Variants in SMC6 observed in about 807,000 individuals in gnomAD.
SMC6 encodes the protein structural maintenance of chromosomes protein 6.
SMC6 carries 79 observed loss-of-function variants against 142.2 expected under a neutral mutation model. The ratio of observed to expected loss-of-function variants is 0.56; its 90% CI spans 0.46 to 0.67. SMC6 has a LOEUF of 0.67. SMC6 is among the 30% of genes least tolerant of loss of function. The pLI, the probability that SMC6 is intolerant of heterozygous loss-of-function variation, is 0.00. For missense variants in SMC6, 1,072 were observed against 1,284.0 expected, an observed-to-expected ratio of 0.83 and a Z score of 2.52; for synonymous variants, 411 against 412.4, an observed-to-expected ratio of 1.00 and a Z score of 0.04.
chr2:17,712,165 G>C (rs1218081035), intron 16 of SMC6, among the ~76,000 whole-genome samples: 2 of 152,140 alleles, frequency 1.3e-5, no homozygotes, highest in East Asian at 3.9e-4. Flanking sequence ...ATATCAACCG[G>C]ATTCGGCAAC....
At chr2:17,729,145 T>C (rs998087000) in intron 7 of SMC6, among the ~76,000 whole-genome samples, 8 of 152,212 alleles carry the variant, frequency 5.3e-5, no homozygotes, top group African/African-American at 1.7e-4. Context: ...ATAACCAAAA[T>C]ATTATCATTG....
At chr2:17,746,729 T>C (rs917616285) in intron 2 of SMC6, among the ~76,000 whole-genome samples, 1 of 152,212 alleles carries the variant, frequency 6.6e-6, no homozygotes, top group Non-Finnish European at 1.5e-5. Context: ...AGCTGATAGT[T>C]TATGATTAAA....
At chr2:17,721,392 T>C (rs1572328894) in intron 9 of SMC6, 131 bp from the exon 10 acceptor site, 2 of 933,204 alleles carry the variant, frequency 2.1e-6, no homozygotes, top group South Asian at 2.4e-5. Context: ...ATAACTTCTA[T>C]TTTTTAAAAT....
chr2:17,703,131 A>C (rs931482216), intron 19 of SMC6, 26 bp downstream of exon 19: 1 of 1,267,618 alleles, frequency 7.9e-7, no homozygotes, highest in Non-Finnish European at 1.1e-6. Context: ...AAAACAAAAG[A>C]AGGTTTATTA....
At chr2:17,701,274 T>C (rs1052453684) in intron 20 of SMC6, among the ~76,000 whole-genome samples, 2 of 152,148 alleles carry the variant, frequency 1.3e-5, no homozygotes. Context: ...TAAATATTTA[T>C]TCACTTTAAC....
chr2:17,670,268 T>C (rs976606124), intron 26 of SMC6, among the ~76,000 whole-genome samples, 155 bp downstream of exon 26: 7 of 149,514 alleles, frequency 4.7e-5, no homozygotes, highest in Non-Finnish European at 7.6e-5. Flanking sequence ...AGAACTCTAG[T>C]TCTTTAGTTC....
intron 20 of SMC6, among the ~76,000 whole-genome samples, chr2:17,701,618 T>A (rs900772274): frequency 6.6e-6 from 1 of 151,398 alleles, no homozygotes; most frequent in African/African-American, 2.5e-5. Context: ...CAAAATCAAT[T>A]ATTATGCATG....
chr2:17,742,650 C>T (rs995773194), intron 3 of SMC6, among the ~76,000 whole-genome samples: 7 of 152,182 alleles, frequency 4.6e-5, no homozygotes, highest in African/African-American at 1.7e-4. Context: ...CTCTCTTCTT[C>T]TGGACATACG....
At chr2:17,753,215 G>A (rs142461347) in intron 1 of SMC6, among the ~76,000 whole-genome samples, 151 bp from the exon 2 acceptor site, 67 of 152,228 alleles carry the variant, frequency 4.4e-4, no homozygotes, top group Non-Finnish European at 9.1e-4. Flanking sequence ...AAACACACCA[G>A]TTGCCGCCTG....
At chr2:17,742,413 C>T (rs1362185577) in intron 3 of SMC6, among the ~76,000 whole-genome samples, 4 of 152,048 alleles carry the variant, frequency 2.6e-5, no homozygotes, top group Non-Finnish European at 4.4e-5. Flanking sequence ...TTTCCAAGTC[C>T]GTAAAACAGG....
chr2:17,703,372 A>C, intron 18 of SMC6, 80 bp from the exon 19 acceptor site: 1 of 1,317,476 alleles, frequency 7.6e-7, no homozygotes, highest in Non-Finnish European at 1.0e-6. Flanking sequence ...TTACAAAGAA[A>C]GCCTTATTTA....
chr2:17,688,627 GA>G (rs1219678777), intron 23 of SMC6, among the ~76,000 whole-genome samples: 1 of 152,212 alleles, frequency 6.6e-6, no homozygotes, highest in African/African-American at 2.4e-5. Context: ...GAGTAAAACA[GA>G]AATCTGTGGA....
rs116297015 is a variant in SMC6 at position 17,723,581 on chromosome 2, C to T, written c.726+1676G>A. 5.5e-3 allele frequency among the ~76,000 whole-genome samples: 844 copies of T among 152,306 alleles called. 5 individuals carry two copies. The highest frequency in any genetic ancestry group is 8.7e-3 in the Non-Finnish European group (595 of 68,034). On this transcript the variant is annotated intron_variant, in intron 9 of 27. Coordinates refer to ENST00000448223, the MANE Select transcript of SMC6 (RefSeq NM_001142286.2). ...GGTATCCTTCAGTTTTCTTCTTAGGCATCACTTCCTTAATAACTCCCCCAT... is the reference window on the plus strand; with the variant it reads ...GGTATCCTTCAGTTTTCTTCTTAGGTATCACTTCCTTAATAACTCCCCCAT...
At chr2:17,693,510 A>G (rs1411869449) in intron 23 of SMC6, among the ~76,000 whole-genome samples, 1 of 152,042 alleles carries the variant, frequency 6.6e-6, no homozygotes, top group East Asian at 1.9e-4. Flanking sequence ...ACACATGGAC[A>G]CAGGAAGGGG....
chr2:17,674,199 A>G (rs1367090150), intron 25 of SMC6, among the ~76,000 whole-genome samples: 2 of 152,168 alleles, frequency 1.3e-5, no homozygotes, highest in African/African-American at 2.4e-5. Flanking sequence ...TTAGAGCTAT[A>G]AATTCCCTTC....
At chr2:17,749,634 G>A (rs1670924985) in intron 2 of SMC6, among the ~76,000 whole-genome samples, 1 of 152,152 alleles carries the variant, frequency 6.6e-6, no homozygotes, top group South Asian at 2.1e-4. Flanking sequence ...GTTGCAGTGA[G>A]CCGAGACTGT....
chr2:17,730,636 CTT>C (rs1384701250), intron 7 of SMC6, among the ~76,000 whole-genome samples: 2 of 143,552 alleles, frequency 1.4e-5, no homozygotes, highest in Non-Finnish European at 3.0e-5. Flanking sequence ...GAGTTTCACT[CTT>C]GTTGCCCAGG....
At chr2:17,694,518 C>T (rs1452117163) in intron 23 of SMC6, among the ~76,000 whole-genome samples, 1 of 152,116 alleles carries the variant, frequency 6.6e-6, no homozygotes, top group Admixed American at 6.5e-5. Flanking sequence ...CCACTAAATG[C>T]TTTTCAGAAA....
intron 24 of SMC6, 27 bp downstream of exon 24, chr2:17,683,611 T>G (rs760126580): frequency 6.4e-7 from 1 of 1,569,240 alleles, no homozygotes; most frequent in Admixed American, 1.8e-5. Context: ...ATGTATAATA[T>G]ATAGTAACAT....
Sources: allele counts gnomAD v4.1 joint callset (sites outside exome capture counted in the v4.1 genomes callset), GRCh38; gene constraint gnomAD v4.1.1; transcripts MANE v1.5; gene names NCBI Gene and HGNC (gene_info 2026-07-23, HGNC 2026-07-21).